Variants in CD82 observed in about 807,000 individuals in gnomAD.
CD82 encodes CD82 molecule, also known as CD82 antigen.
A neutral mutation model predicts 37.4 loss-of-function variants in CD82; 36 were observed. The ratio of observed to expected loss-of-function variants is 0.96; its 90% CI spans 0.74 to 1.27. The LOEUF (loss-of-function observed/expected upper bound fraction) is 1.27. Ranked by LOEUF, CD82 falls within the 50% of genes most tolerant of loss-of-function variation. The pLI is 0.00. For synonymous variants in CD82, 158 were observed against 137.4 expected (o/e 1.15, Z -1.05); for missense variants, 340 against 347.0 (o/e 0.98, Z 0.16).
At position 44,605,282 on chromosome 11, in the gene CD82, T is replaced by C. The variant is rs1053342332; in HGVS notation, c.262-73T>C. ...GCCGTAACATCGGGTGGAGAGCATC[T>C]CTCGGGGCACGCAGGCTGGGTGCAC... On this transcript the variant is annotated intron_variant, in intron 5 of 9. Transcript: ENST00000227155. The C allele has an allele frequency of 1.3e-5, 21 of 1,610,672 alleles. 1 individual carries two copies. Among genetic ancestry groups the C allele is most frequent in the Middle Eastern group, 3.3e-4 (2 of 6,048 alleles).
chr11:44,618,814 G>A (rs1853611092), intron 9 of CD82, 91 bp downstream of exon 9: 5 of 1,145,378 alleles, frequency 4.4e-6, no homozygotes, highest in Non-Finnish European at 5.1e-6. Flanking sequence ...GGTGGCCAAG[G>A]GGGCCAGCAC....
chr11:44,587,635 A>G, intron 2 of CD82, 79 bp downstream of exon 2: 1 of 454,706 alleles, frequency 2.2e-6, no homozygotes, highest in South Asian at 1.6e-5. Context: ...GAGACCGAGC[A>G]TGGCCCTCAG....
intron 6 of CD82, among the ~76,000 whole-genome samples, chr11:44,610,356 T>G (rs955196417): frequency 6.6e-6 from 1 of 152,188 alleles, no homozygotes; most frequent in Non-Finnish European, 1.5e-5. Flanking sequence ...GAACTTAAAT[T>G]GTATCAGAGC....
chr11:44,600,327 C>T, intron 4 of CD82, 97 bp downstream of exon 4: 1 of 1,158,052 alleles, frequency 8.6e-7, no homozygotes, highest in Non-Finnish European at 1.3e-6. Context: ...GGCTTCAATG[C>T]CTGTTGCTTT....
intron 1 of CD82, among the ~76,000 whole-genome samples, chr11:44,572,862 C>G (rs1307455844): frequency 6.6e-6 from 1 of 152,146 alleles, no homozygotes; most frequent in African/African-American, 2.4e-5. Context: ...GGCTTTACAT[C>G]TGGGGTCCAG....
At chr11:44,604,549 G>A (rs1853360106) in intron 4 of CD82, 2 of 173,360 alleles carry the variant, frequency 1.2e-5, no homozygotes, top group Admixed American at 1.1e-4. Flanking sequence ...GGACAAGAAG[G>A]AAGGCGGGTT....
rs542152585 is a variant in CD82, at chr11:44,599,433, C to T, written c.64-725C>T. ...TGTTGGGATTACAGGCATGAACCAC[C>T]GGGCCTGACCTTCATTTCCCTTTCT... On this transcript the variant is annotated intron_variant, in intron 3 of 9. Transcript: ENST00000227155. 2.6e-5 allele frequency among the ~76,000 whole-genome samples: 4 copies of T among 152,370 alleles called. No individual in the cohort carries two copies. The South Asian group carries it at 6.2e-4, about 24-fold the overall frequency.
rs573172647 is a variant in CD82 at position 44,604,641 on chromosome 11, T to C, written c.137-417T>C. 9 of 221,548 alleles carry C rather than the reference T, an allele frequency of 4.1e-5. No individual in the cohort carries two copies. The East Asian group carries it at 1.1e-3, about 28-fold the overall frequency. The allele number at this position is 221,548 out of a possible 1,614,324, so 13.7% of individuals were successfully genotyped here. Reference sequence around the variant, plus strand: ...GTCTGTCAATTCCGCAGATATTCACTGTGCACAGCACCTCACTGCGAGAGG... The same window carrying C: ...GTCTGTCAATTCCGCAGATATTCACCGTGCACAGCACCTCACTGCGAGAGG... On this transcript the variant is annotated intron_variant, in intron 4 of 9. Coordinates refer to ENST00000227155, the MANE Select transcript of CD82 (RefSeq NM_002231.4).
intron 1 of CD82, among the ~76,000 whole-genome samples, chr11:44,581,837 G>A (rs1590330849): frequency 6.6e-6 from 1 of 152,212 alleles, no homozygotes; most frequent in African/African-American, 2.4e-5. Flanking sequence ...GGTTCCATGT[G>A]CTGCTGTTCC....
intron 6 of CD82, among the ~76,000 whole-genome samples, chr11:44,614,477 G>C (rs1853532141): frequency 6.6e-6 from 1 of 152,248 alleles, no homozygotes; most frequent in Non-Finnish European, 1.5e-5. Flanking sequence ...ACTATTCTGT[G>C]CCAGGCTTGG....
At chr11:44,584,984 C>T (rs1400937699) in intron 1 of CD82, among the ~76,000 whole-genome samples, 1 of 152,146 alleles carries the variant, frequency 6.6e-6, no homozygotes, top group Non-Finnish European at 1.5e-5. Flanking sequence ...CACTTTCTGC[C>T]CGACTGGGCA....
chr11:44,597,246 T>C lies in CD82; in HGVS notation c.63+2521T>C, dbSNP rs1280908308. ...AGACTCCCCAGCGCATTGCCACTTT[T>C]CTCAGGTCCAAAGGAATGCAGAGGC... On this transcript the variant is annotated intron_variant, in intron 3 of 9. Transcript: ENST00000227155. This position sits in a 1 kb window ranked among gnomAD's most constrained non-coding sequence, Gnocchi z 4.1. Among the ~76,000 whole-genome samples the C allele has an allele frequency of 6.6e-6, 1 of 152,248 alleles. No homozygotes were observed. Among genetic ancestry groups the C allele is most frequent in the Non-Finnish European group, 1.5e-5 (1 of 68,050 alleles).
chr11:44,599,434 G>A (rs1400206021), intron 3 of CD82, among the ~76,000 whole-genome samples: 1 of 152,200 alleles, frequency 6.6e-6, no homozygotes, highest in Non-Finnish European at 1.5e-5. Flanking sequence ...ATGAACCACC[G>A]GGCCTGACCT....
In CD82 at chr11:44,618,622, C is replaced by A; in HGVS notation, c.643-18C>A. 7.5e-6 allele frequency: 12 copies of A among 1,599,370 alleles called. No homozygotes were observed. Among genetic ancestry groups the A allele is most frequent in the Non-Finnish European group, 1.0e-5 (12 of 1,172,166 alleles). On this transcript the variant is annotated intron_variant, in intron 8 of 9. Coordinates refer to ENST00000227155, the MANE Select transcript of CD82 (RefSeq NM_002231.4). ...ATGGTGCAGAGCGGGGTGATGTGAC[C>A]GCATTCTGCCCTTGCAGGGCTGCAT...
Position 44,594,647 on chromosome 11 carries a change from C to CTCA in CD82, c.-14_-13insATC. Reference sequence around the variant, plus strand: ...TGCCTGCCTTCTCTCTTCCAGGAAGCTCCAGGACTGGCGGGATGGGCTCAG... The same window carrying CTCA: ...TGCCTGCCTTCTCTCTTCCAGGAAGCTCATCCAGGACTGGCGGGATGGGCTCAG... On this transcript the variant is annotated 5_prime_UTR_variant, in exon 3 of 10. Transcript: ENST00000227155. The CTCA allele has an allele frequency of 6.2e-7, 1 of 1,609,058 alleles. No individual in the cohort carries two copies. The highest frequency in any genetic ancestry group is 8.5e-7 in the Non-Finnish European group (1 of 1,175,302).
chr11:44,581,822 G>A, intron 1 of CD82, among the ~76,000 whole-genome samples: 1 of 152,210 alleles, frequency 6.6e-6, no homozygotes, highest in East Asian at 1.9e-4. Context: ...CTGAGGGCTA[G>A]ACCTGGTTCC....
At chr11:44,577,026 T>A (rs1852902671) in intron 1 of CD82, among the ~76,000 whole-genome samples, 1 of 152,036 alleles carries the variant, frequency 6.6e-6, no homozygotes, top group African/African-American at 2.4e-5. Flanking sequence ...TTAGCTGGGC[T>A]GGTGGGTCCT....
chr11:44,582,285 C>T (rs912574501), intron 1 of CD82, among the ~76,000 whole-genome samples: 1 of 152,188 alleles, frequency 6.6e-6, no homozygotes, highest in Non-Finnish European at 1.5e-5. Context: ...TTCCTCTGCC[C>T]AACCTCATTT....
intron 5 of CD82, 82 bp from the exon 6 acceptor site, chr11:44,605,273 G>C: frequency 1.9e-6 from 3 of 1,610,318 alleles, no homozygotes; most frequent in Non-Finnish European, 2.5e-6. Context: ...ACATCGGGTG[G>C]AGAGCATCTC....
Sources: allele counts gnomAD v4.1 joint callset (sites outside exome capture counted in the v4.1 genomes callset), GRCh38; gene constraint gnomAD v4.1.1; non-coding constraint Gnocchi (gnomAD v3.1); transcripts MANE v1.5; gene names NCBI Gene and HGNC (gene_info 2026-07-23, HGNC 2026-07-21).